Variants in RPL37 observed in about 807,000 individuals in gnomAD.
The protein encoded by RPL37 is large ribosomal subunit protein eL37.
RPL37 carries 1 observed loss-of-function variant against 14.8 expected under a neutral mutation model. The observed-to-expected ratio is 0.07, with a 90% CI of 0.02 to 0.32. RPL37 has a LOEUF of 0.32. Among genes scored for constraint, RPL37 ranks in the 10% least tolerant of loss-of-function variants. The pLI is 1.00. For missense variants in RPL37, 100 were observed against 128.3 expected, an observed-to-expected ratio of 0.78 and a Z score of 1.06; for synonymous variants, 53 against 45.8, an observed-to-expected ratio of 1.16 and a Z score of -0.63.
chr5:40,834,670 G>C, intron 1 of RPL37, 64 bp from the exon 2 acceptor site: 1 of 1,515,376 alleles, frequency 6.6e-7, no homozygotes, highest in East Asian at 2.3e-5. Flanking sequence ...CGAGTTCTCC[G>C]GGAAACCAAT....
In RPL37 at chr5:40,828,115, A is replaced by G. The variant is rs915427162; in HGVS notation, c.*4389T>C. ...GCTATTACAAAATTAAGTTTCAATT[A>G]CAGGCAAGGTTAAACTCTGCAAGCA... On this transcript the variant is annotated 3_prime_UTR_variant, in exon 4 of 4. Transcript: ENST00000274242. The G allele has an allele frequency of 6.6e-6, 1 of 152,240 alleles. No homozygotes were observed. The highest frequency in any genetic ancestry group is 1.5e-5 in the Non-Finnish European group (1 of 68,048). The allele number at this position is 152,240 out of a possible 1,614,324, so 9.4% of individuals were successfully genotyped here. A position where few individuals can be genotyped will look rare whatever the true frequency, so the allele number is the denominator to read the frequency against.
At position 40,829,975 on chromosome 5, in the gene RPL37, C is replaced by G. The variant is rs1225905159; in HGVS notation, c.*2529G>C. The G allele has an allele frequency of 1.3e-5, 2 of 152,080 alleles. No individual in the cohort carries two copies. Among genetic ancestry groups the G allele is most frequent in the East Asian group, 1.9e-4 (1 of 5,182 alleles). 9.4% of individuals were successfully genotyped at this position (152,080 alleles called of 1,614,324 possible). On this transcript the variant is annotated 3_prime_UTR_variant, in exon 4 of 4. Transcript: ENST00000274242. ...TAGGACGTGAGCTACCGTACCCGGC[C>G]GCCACAGATTCAACCTTTCTATTTT...
At position 40,826,021 on chromosome 5, in the gene RPL37, A is replaced by T. The variant is rs1025370322; in HGVS notation, c.*6483T>A. 1 of 152,158 alleles carries T rather than the reference A, an allele frequency of 6.6e-6. No individual in the cohort carries two copies. The highest frequency in any genetic ancestry group is 2.4e-5 in the African/African-American group (1 of 41,426). The allele number at this position is 152,158 out of a possible 1,614,324, so 9.4% of individuals were successfully genotyped here. Reference sequence around the variant, plus strand: ...TCCGCACCCGGCCGCTCCTCAGTCAATTCTAAACAACTGTCCTCACTTGAG... The same window carrying T: ...TCCGCACCCGGCCGCTCCTCAGTCATTTCTAAACAACTGTCCTCACTTGAG... On this transcript the variant is annotated 3_prime_UTR_variant, in exon 4 of 4. Transcript: ENST00000274242.
Position 40,833,982 on chromosome 5 carries a change from C to T in RPL37, c.224+199G>A, listed in dbSNP as rs182669160. 1,603 of 568,810 alleles carry T rather than the reference C, an allele frequency of 2.8e-3. 10 individuals carry two copies. The highest frequency in any genetic ancestry group is 3.8e-3 in the Non-Finnish European group (1,215 of 318,852). The allele number at this position is 568,810 out of a possible 1,614,324, so 35.2% of individuals were successfully genotyped here. A position where few individuals can be genotyped will look rare whatever the true frequency, so the allele number is the denominator to read the frequency against. On this transcript the variant is annotated intron_variant, in intron 3 of 3. Transcript: ENST00000274242. ...TTACCTGAGGCTGGGGAGACTGAGGCTGCACTGAGCCGTGATCGTGCCACT... is the reference window on the plus strand; with the variant it reads ...TTACCTGAGGCTGGGGAGACTGAGGTTGCACTGAGCCGTGATCGTGCCACT...
intron 1 of RPL37, among the ~76,000 whole-genome samples, chr5:40,834,829 T>C (rs916674532): frequency 1.3e-5 from 2 of 152,200 alleles, no homozygotes; most frequent in Admixed American, 6.5e-5. Context: ...ACCTTATCTT[T>C]ACAGACTCCG....
At position 40,830,002 on chromosome 5, in the gene RPL37, G is replaced by A. The variant is rs905063560; in HGVS notation, c.*2502C>T. 1 of 151,942 alleles carries A rather than the reference G, an allele frequency of 6.6e-6. No homozygotes were observed. Among genetic ancestry groups the A allele is most frequent in the Non-Finnish European group, 1.5e-5 (1 of 68,002 alleles). The allele number at this position is 151,942 out of a possible 1,614,324, so 9.4% of individuals were successfully genotyped here. ...CCACAGATTCAACCTTTCTATTTTT[G>A]TAACTTTACAGAACATAACCAGTTA... is the stretch of plus-strand genomic sequence containing the variant. On this transcript the variant is annotated 3_prime_UTR_variant, in exon 4 of 4. Coordinates refer to ENST00000274242, the MANE Select transcript of RPL37 (RefSeq NM_000997.5).
In RPL37 at chr5:40,827,800, C is replaced by T. The variant is rs564310087; in HGVS notation, c.*4704G>A. On this transcript the variant is annotated 3_prime_UTR_variant, in exon 4 of 4. Coordinates refer to ENST00000274242, the MANE Select transcript of RPL37 (RefSeq NM_000997.5). ...TCTCTCAGCTCACTGCAACCTCTGC[C>T]CCCCAGGCTCAAGCGATTCTCTCGC... is the stretch of plus-strand genomic sequence containing the variant. The T allele has an allele frequency of 6.6e-6, 1 of 152,090 alleles. No homozygotes were observed. Among genetic ancestry groups the T allele is most frequent in the African/African-American group, 2.4e-5 (1 of 41,462 alleles). The allele number at this position is 152,090 out of a possible 1,614,324, so 9.4% of individuals were successfully genotyped here.
In RPL37 at chr5:40,826,165, CATT is replaced by C. The variant is rs1745512869; in HGVS notation, c.*6336_*6338del. ...CCTCAGGAGTTCAAATAATTTTAAT[CATT>C]TTTAAGGCAAAGAAAATACTTTTTA... is the stretch of plus-strand genomic sequence containing the variant. On this transcript the variant is annotated 3_prime_UTR_variant, in exon 4 of 4. Transcript: ENST00000274242. The C allele has an allele frequency of 6.6e-6, 1 of 152,166 alleles. No homozygotes were observed. The highest frequency in any genetic ancestry group is 1.5e-5 in the Non-Finnish European group (1 of 68,026). The allele number at this position is 152,166 out of a possible 1,614,324, so 9.4% of individuals were successfully genotyped here.
chr5:40,834,877 A>G, intron 1 of RPL37: 1 of 605,758 alleles, frequency 1.7e-6, no homozygotes, highest in South Asian at 2.0e-5. Flanking sequence ...TCATTGTTAC[A>G]CAGAGCCAAA....
intron 3 of RPL37, 177 bp downstream of exon 3, chr5:40,834,004 C>T (rs1745704299): frequency 1.7e-6 from 1 of 597,996 alleles, no homozygotes; most frequent in African/African-American, 1.9e-5. Flanking sequence ...GTGATCGTGC[C>T]ACTACACTCA....
chr5:40,834,639 C>A (rs1285386916), intron 1 of RPL37, 33 bp from the exon 2 acceptor site: 3 of 1,568,718 alleles, frequency 1.9e-6, no homozygotes, highest in Non-Finnish European at 2.6e-6. Flanking sequence ...GTTCTGAAAC[C>A]TGGCAACTTC....
chr5:40,832,306 G>A lies in RPL37; in HGVS notation c.*198C>T, dbSNP rs574321432. 5 of 600,034 alleles carry A rather than the reference G, an allele frequency of 8.3e-6. No individual in the cohort carries two copies. The highest frequency in any genetic ancestry group is 5.8e-5 in the East Asian group (2 of 34,536). 37.2% of individuals were successfully genotyped at this position (600,034 alleles called of 1,614,324 possible). On this transcript the variant is annotated 3_prime_UTR_variant, in exon 4 of 4. Transcript: ENST00000274242. ...TGCTTGTTTCTCATTGCCTTTAACCGTGTTACAAACCCAGTCCAAAAGTAA... is the reference window on the plus strand; with the variant it reads ...TGCTTGTTTCTCATTGCCTTTAACCATGTTACAAACCCAGTCCAAAAGTAA...
chr5:40,832,213 T>C lies in RPL37; in HGVS notation c.*291A>G, dbSNP rs925597443. ...ATCTAAAATACCCACCTATGCCACATGAGCTGTGCTATTTTAATCTGCTAT... is the reference window on the plus strand; with the variant it reads ...ATCTAAAATACCCACCTATGCCACACGAGCTGTGCTATTTTAATCTGCTAT... On this transcript the variant is annotated 3_prime_UTR_variant, in exon 4 of 4. Transcript: ENST00000274242. 1.4e-4 allele frequency: 50 copies of C among 363,918 alleles called. No homozygotes were observed. Among genetic ancestry groups the C allele is most frequent in the South Asian group, 5.5e-4 (18 of 32,462 alleles). 22.5% of individuals were successfully genotyped at this position (363,918 alleles called of 1,614,324 possible).
intron 3 of RPL37, among the ~76,000 whole-genome samples, chr5:40,833,310 A>T (rs1745682618): frequency 6.6e-6 from 1 of 152,222 alleles, no homozygotes; most frequent in African/African-American, 2.4e-5. Flanking sequence ...CACCACAAAG[A>T]ATTATCCAGC....
chr5:40,834,917 AC>A (rs1211174508), intron 1 of RPL37: 2 of 614,144 alleles, frequency 3.3e-6, no homozygotes, highest in Non-Finnish European at 5.7e-6. Context: ...TCGGCTCCCA[AC>A]CAAGGCTAGA....
Position 40,832,411 on chromosome 5 carries a change from C to G in RPL37, c.*93G>C. ...CTAAACCTACAGTATTTCACTGATACTACAAGCCTAATTGATTAAAAATAC... is the reference window on the plus strand; with the variant it reads ...CTAAACCTACAGTATTTCACTGATAGTACAAGCCTAATTGATTAAAAATAC... On this transcript the variant is annotated 3_prime_UTR_variant, in exon 4 of 4. Transcript: ENST00000274242. 9.4e-7 allele frequency: 1 copy of G among 1,068,720 alleles called. No individual in the cohort carries two copies. Among genetic ancestry groups the G allele is most frequent in the South Asian group, 1.3e-5 (1 of 79,636 alleles). 66.2% of individuals were successfully genotyped at this position (1,068,720 alleles called of 1,614,324 possible). A position where few individuals can be genotyped will look rare whatever the true frequency, so the allele number is the denominator to read the frequency against.
chr5:40,827,463 G>C lies in RPL37; in HGVS notation c.*5041C>G, dbSNP rs995380114. 1 of 152,098 alleles carries C rather than the reference G, an allele frequency of 6.6e-6. No homozygotes were observed. Among genetic ancestry groups the C allele is most frequent in the African/African-American group, 2.4e-5 (1 of 41,392 alleles). 9.4% of individuals were successfully genotyped at this position (152,098 alleles called of 1,614,324 possible). ...TACCTATTGAAATAAAACTGTTTTC[G>C]CAACTAATCATGATGAAAATACTTT... On this transcript the variant is annotated 3_prime_UTR_variant, in exon 4 of 4. Coordinates refer to ENST00000274242, the MANE Select transcript of RPL37 (RefSeq NM_000997.5).
chr5:40,834,901 C>T lies in RPL37; in HGVS notation c.3+282G>A, dbSNP rs1745731610. 4.9e-6 allele frequency: 3 copies of T among 609,638 alleles called. No individual in the cohort carries two copies. The South Asian group carries it at 6.0e-5, about 12-fold the overall frequency. 37.8% of individuals were successfully genotyped at this position (609,638 alleles called of 1,614,324 possible). ...CACAGAGCCAAACATTCCCAAACTC[C>T]TTCCCTCGGCTCCCAACCAAGGCTA... is the stretch of plus-strand genomic sequence containing the variant. On this transcript the variant is annotated intron_variant, in intron 1 of 3. Transcript: ENST00000274242.
rs1025094796 is a variant in RPL37 at position 40,829,691 on chromosome 5, A to T, written c.*2813T>A. On this transcript the variant is annotated 3_prime_UTR_variant, in exon 4 of 4. Coordinates refer to ENST00000274242, the MANE Select transcript of RPL37 (RefSeq NM_000997.5). ...TGTGTGTGTGTGTATATATATATAT[A>T]TATATATCAACAATATATAATTGTG... 1.3e-5 allele frequency: 2 copies of T among 151,740 alleles called. No homozygotes were observed. Among genetic ancestry groups the T allele is most frequent in the Admixed American group, 1.3e-4 (2 of 15,198 alleles). The allele number at this position is 151,740 out of a possible 1,614,324, so 9.4% of individuals were successfully genotyped here. A position where few individuals can be genotyped will look rare whatever the true frequency, so the allele number is the denominator to read the frequency against.
Sources: allele counts gnomAD v4.1 joint callset (sites outside exome capture counted in the v4.1 genomes callset), GRCh38; gene constraint gnomAD v4.1.1; transcripts MANE v1.5; gene names NCBI Gene and HGNC (gene_info 2026-07-23, HGNC 2026-07-21).